PLCXD2: variants seen among roughly 807,000 people sequenced by gnomAD.
The protein encoded by PLCXD2 is phosphatidylinositol specific phospholipase C X domain containing 2, also known as PI-PLC X domain-containing protein 2.
A neutral mutation model predicts 28.6 loss-of-function variants in PLCXD2; 21 were observed. That is an observed-to-expected ratio of 0.73 (90% CI 0.52 to 1.06). PLCXD2 has a LOEUF of 1.06. Among genes scored for constraint, PLCXD2 ranks in the 50% least tolerant of loss-of-function variants. The pLI is 0.00. For missense variants in PLCXD2, 369 were observed against 376.7 expected (o/e 0.98, Z 0.17); for synonymous variants, 140 against 150.1 (o/e 0.93, Z 0.49).
Position 111,718,182 on chromosome 3 carries a change from A to G in PLCXD2, c.866+4054A>G, listed in dbSNP as rs947510923. Reference sequence around the variant, plus strand: ...TAATCAGCTATTAATATAAAAATATAGGCCAGGCGCAGTGGCTCACGCCTG... The same window carrying G: ...TAATCAGCTATTAATATAAAAATATGGGCCAGGCGCAGTGGCTCACGCCTG... On this transcript the variant is annotated intron_variant, in intron 3 of 4. Coordinates refer to ENST00000477665, the MANE Select transcript of PLCXD2 (RefSeq NM_001185106.1). Among the ~76,000 whole-genome samples the G allele has an allele frequency of 3.9e-5, 6 of 152,316 alleles. No homozygotes were observed. In the East Asian group the frequency reaches 7.7e-4, roughly 20 times the overall value.
intron 3 of PLCXD2, chr3:111,726,652 A>G (rs1247923929): frequency 1.3e-5 from 2 of 152,194 alleles, no homozygotes; most frequent in Non-Finnish European, 2.9e-5. Context: ...TGGCTTAATT[A>G]TCTTATTCAT....
chr3:111,682,183 G>A (rs1030211249), intron 1 of PLCXD2, among the ~76,000 whole-genome samples: 2 of 152,270 alleles, frequency 1.3e-5, no homozygotes, highest in East Asian at 1.9e-4. Flanking sequence ...GTTAAACATC[G>A]ATAGGAATTT....
intron 1 of PLCXD2, among the ~76,000 whole-genome samples, chr3:111,681,978 A>G (rs1450985081): frequency 6.6e-6 from 1 of 152,204 alleles, no homozygotes; most frequent in East Asian, 1.9e-4. Flanking sequence ...ACTAACCCCA[A>G]TTAGAGTTTC....
At chr3:111,709,705 G>A (rs1941173610) in intron 2 of PLCXD2, among the ~76,000 whole-genome samples, 1 of 152,208 alleles carries the variant, frequency 6.6e-6, no homozygotes, top group Non-Finnish European at 1.5e-5. Context: ...AAAAGCAGGA[G>A]TGTCCCTGCC....
chr3:111,685,037 G>T (rs573943517), intron 1 of PLCXD2, among the ~76,000 whole-genome samples: 350 of 152,260 alleles, frequency 2.3e-3, no homozygotes, highest in African/African-American at 8.3e-3. Flanking sequence ...AAGGAAGCAG[G>T]TGCTTAGTCT....
intron 3 of PLCXD2, chr3:111,726,024 C>T (rs1576467862): frequency 2.6e-6 from 1 of 387,122 alleles, no homozygotes; most frequent in African/African-American, 2.2e-5. Context: ...ATGCATTATT[C>T]TACCCCTCAA....
At chr3:111,686,614 G>T (rs903351099) in intron 1 of PLCXD2, among the ~76,000 whole-genome samples, 1 of 152,118 alleles carries the variant, frequency 6.6e-6, no homozygotes, top group East Asian at 1.9e-4. Context: ...GACTAATTTT[G>T]TATACCCTAA....
intron 1 of PLCXD2, among the ~76,000 whole-genome samples, chr3:111,693,995 AC>A (rs1160324743): frequency 1.3e-5 from 2 of 152,208 alleles, no homozygotes; most frequent in Admixed American, 6.5e-5. Flanking sequence ...ATAATAGGCT[AC>A]CCCTTCAAGC....
rs146970589 is a variant in PLCXD2 at position 111,713,978 on chromosome 3, G to A, written c.716G>A (p.Ser239Asn). The A allele has an allele frequency of 1.5e-4, 244 of 1,614,144 alleles. No individual in the cohort carries two copies. The African/African-American group carries it at 2.7e-3, about 18-fold the overall frequency. ...CCAGCGCCCTGGGCAAACACCACAA[G>A]TGTGCGCAAACTAATCCTCTTCTTG... is the stretch of plus-strand genomic sequence containing the variant. Residue 239 changes from serine (S) to asparagine (N), a missense_variant, in exon 3 of 5, where the codon AGT becomes AAT. Coordinates refer to ENST00000477665, the MANE Select transcript of PLCXD2 (RefSeq NM_001185106.1).
chr3:111,693,240 T>A (rs1170937751), intron 1 of PLCXD2, among the ~76,000 whole-genome samples: 1 of 152,190 alleles, frequency 6.6e-6, no homozygotes, highest in Non-Finnish European at 1.5e-5. Flanking sequence ...TGCTTACCCT[T>A]TCCAGTAATC....
chr3:111,688,197 C>T (rs1435689797), intron 1 of PLCXD2, among the ~76,000 whole-genome samples: 1 of 152,188 alleles, frequency 6.6e-6, no homozygotes, highest in Admixed American at 6.5e-5. Flanking sequence ...GAAGCACAAG[C>T]TGGAAGACTA....
At chr3:111,702,463 G>T (rs1941057157) in intron 1 of PLCXD2, among the ~76,000 whole-genome samples, 1 of 152,208 alleles carries the variant, frequency 6.6e-6, no homozygotes, top group Non-Finnish European at 1.5e-5. Context: ...GTGGAGTAAG[G>T]CATGTAAGGA....
intron 1 of PLCXD2, among the ~76,000 whole-genome samples, chr3:111,703,388 C>G (rs1384679512): frequency 6.6e-6 from 1 of 152,160 alleles, no homozygotes; most frequent in East Asian, 1.9e-4. Flanking sequence ...CAAAATGATC[C>G]CTGGGGTCCC....
At chr3:111,701,700 C>A (rs1321459358) in intron 1 of PLCXD2, among the ~76,000 whole-genome samples, 1 of 152,082 alleles carries the variant, frequency 6.6e-6, no homozygotes, top group African/African-American at 2.4e-5. Flanking sequence ...ATTTGACAGG[C>A]AATGAGTCTA....
intron 1 of PLCXD2, among the ~76,000 whole-genome samples, chr3:111,683,651 C>T (rs751622337): frequency 6.6e-6 from 1 of 152,186 alleles, no homozygotes; most frequent in Admixed American, 6.5e-5. Context: ...TCAATACAGA[C>T]ATGGTCCTTG....
intron 1 of PLCXD2, among the ~76,000 whole-genome samples, chr3:111,698,814 A>T (rs1048990577): frequency 6.6e-6 from 1 of 152,228 alleles, no homozygotes; most frequent in African/African-American, 2.4e-5. Flanking sequence ...CCTTTTGTTC[A>T]TAATCACTCC....
At chr3:111,682,182 C>A (rs772986580) in intron 1 of PLCXD2, among the ~76,000 whole-genome samples, 3 of 152,002 alleles carry the variant, frequency 2.0e-5, no homozygotes, top group African/African-American at 7.3e-5. Flanking sequence ...TGTTAAACAT[C>A]GATAGGAATT....
At chr3:111,677,987 G>A (rs1003265516) in intron 1 of PLCXD2, among the ~76,000 whole-genome samples, 1 of 152,098 alleles carries the variant, frequency 6.6e-6, no homozygotes, top group Non-Finnish European at 1.5e-5. Flanking sequence ...GTGCGTGTGC[G>A]CCCACATGCC....
chr3:111,725,723 A>G (rs1941407020), intron 3 of PLCXD2: 2 of 398,426 alleles, frequency 5.0e-6, no homozygotes, highest in Non-Finnish European at 8.8e-6. Flanking sequence ...TTTCAAACTC[A>G]TTTCTAAGCC....
Sources: gnomAD v4.1 joint callset for allele counts (sites outside exome capture counted in the v4.1 genomes callset) on GRCh38, gnomAD v4.1.1 for gene constraint, MANE v1.5 for transcripts, NCBI Gene and HGNC (gene_info 2026-07-23, HGNC 2026-07-21) for gene names.